Variants in CDYL observed in about 807,000 individuals in gnomAD.
CDYL encodes chromodomain Y-like protein.
In CDYL, 8 loss-of-function variants were observed where a neutral mutation model predicts 47.3. That is an observed-to-expected ratio of 0.17 (90% CI 0.10 to 0.31). The LOEUF is 0.31. Among genes scored for constraint, CDYL ranks in the 10% least tolerant of loss-of-function variants. CDYL has a pLI of 1.00. For missense variants in CDYL, 471 were observed against 701.4 expected (o/e 0.67, Z 3.71); for synonymous variants, 266 against 265.0 (o/e 1.00, Z -0.04).
intron 1 of CDYL, among the ~76,000 whole-genome samples, chr6:4,867,123 A>G (rs561882128): frequency 1.3e-5 from 2 of 152,140 alleles, no homozygotes; most frequent in Middle Eastern, 6.8e-3. Flanking sequence ...ATTTGTTTTA[A>G]AATACTTGTT....
chr6:4,797,222 A>G (rs1010378967), intron 1 of CDYL, among the ~76,000 whole-genome samples: 5 of 152,136 alleles, frequency 3.3e-5, no homozygotes, highest in Admixed American at 6.5e-5. Context: ...AAATTCACTG[A>G]TTAACTCTTC....
chr6:4,745,949 G>A (rs769126278), intron 3 of CDYL, among the ~76,000 whole-genome samples: 94 of 152,332 alleles, frequency 6.2e-4, no homozygotes, highest in African/African-American at 2.2e-3. Context: ...TGGGAGCCAT[G>A]GGTAGGGGTG....
chr6:4,934,358 C>T (rs1206410557), intron 2 of CDYL, among the ~76,000 whole-genome samples: 2 of 152,120 alleles, frequency 1.3e-5, no homozygotes, highest in South Asian at 2.1e-4. Context: ...AAACCTCTAG[C>T]AATTAAAATA....
At chr6:4,844,661 C>A (rs1294694107) in intron 1 of CDYL, among the ~76,000 whole-genome samples, 1 of 152,194 alleles carries the variant, frequency 6.6e-6, no homozygotes, top group Non-Finnish European at 1.5e-5. Context: ...TTAAAAGTTG[C>A]ATTTTCAGTT....
chr6:4,834,996 T>C (rs929854351), intron 1 of CDYL, among the ~76,000 whole-genome samples: 3 of 152,210 alleles, frequency 2.0e-5, no homozygotes, highest in Non-Finnish European at 2.9e-5. Flanking sequence ...TTGAAGTTTT[T>C]AACTTCTTTG....
chr6:4,819,271 C>T (rs2127447748), intron 1 of CDYL, among the ~76,000 whole-genome samples: 1 of 151,976 alleles, frequency 6.6e-6, no homozygotes, highest in South Asian at 2.1e-4. Flanking sequence ...TCATTAAAGT[C>T]TTACTTGTAT....
chr6:4,887,577 A>G (rs902017002), intron 1 of CDYL, among the ~76,000 whole-genome samples: 1 of 152,108 alleles, frequency 6.6e-6, no homozygotes, highest in Non-Finnish European at 1.5e-5. Context: ...CTTTGTTCTA[A>G]TAGTTTTTAA....
chr6:4,833,670 G>T (rs1454809989), intron 1 of CDYL, among the ~76,000 whole-genome samples: 1 of 151,436 alleles, frequency 6.6e-6, no homozygotes, highest in Admixed American at 6.5e-5. Context: ...GTTGACAGTG[G>T]GGTATTAAAG....
rs1426508898 is a variant in CDYL, at chr6:4,829,337, CTGTTCCTCAGATTG to C, written c.24+52537_24+52550del. Among the ~76,000 whole-genome samples the C allele has an allele frequency of 8.5e-5, 13 of 152,272 alleles. No individual in the cohort carries two copies. The East Asian group carries it at 2.5e-3, about 29-fold the overall frequency. ...TTATTGTTTGTGGTCACTGAAGCCTCTGTTCCTCAGATTGTGTTCCACTGTGTTTTGGCAGAGAT... is the reference window on the plus strand; with the variant it reads ...TTATTGTTTGTGGTCACTGAAGCCTCTGTTCCACTGTGTTTTGGCAGAGAT... On this transcript the variant is annotated intron_variant, in intron 1 of 6. Transcript: ENST00000397588.
chr6:4,875,001 A>T (rs1043415058), intron 1 of CDYL, among the ~76,000 whole-genome samples: 1 of 152,186 alleles, frequency 6.6e-6, no homozygotes, highest in Non-Finnish European at 1.5e-5. Context: ...GGCTATGAAC[A>T]TTCTTGCGTG....
chr6:4,738,859 A>G (rs183441686), intron 3 of CDYL, among the ~76,000 whole-genome samples: 140 of 152,342 alleles, frequency 9.2e-4, no homozygotes, highest in African/African-American at 3.2e-3. Flanking sequence ...AGCGACATCA[A>G]GGAATTATTA....
chr6:4,927,674 C>CT (rs1192780557), intron 2 of CDYL, among the ~76,000 whole-genome samples: 2 of 152,142 alleles, frequency 1.3e-5, no homozygotes, highest in African/African-American at 4.8e-5. Flanking sequence ...CCTTGGCCTC[C>CT]TACAGTGGTG....
rs1359920944 is a variant in CDYL, at chr6:4,779,304, G to A, written c.24+2497G>A. Among the ~76,000 whole-genome samples, 5 of 152,172 alleles carry A rather than the reference G, an allele frequency of 3.3e-5. No homozygotes were observed. The East Asian group carries it at 5.8e-4, about 18-fold the overall frequency. On this transcript the variant is annotated intron_variant, in intron 1 of 6. Coordinates refer to ENST00000397588, the MANE Select transcript of CDYL (RefSeq NM_004824.4). ...AATAGAAGTTTTCTGTTTGGCCTCA[G>A]GCTCCACAAATCTAGAGGGATATAT...
chr6:4,863,603 G>GT (rs1386518058), intron 1 of CDYL, among the ~76,000 whole-genome samples: 1 of 152,174 alleles, frequency 6.6e-6, no homozygotes, highest in East Asian at 1.9e-4. Flanking sequence ...TTGCAAAATG[G>GT]TATTTCCCAT....
At chr6:4,718,708 T>C (rs1757314987) in intron 2 of CDYL, 1 of 152,220 alleles carries the variant, frequency 6.6e-6, no homozygotes. Flanking sequence ...AAATTAATAT[T>C]TGTGTGTTGA....
intron 3 of CDYL, among the ~76,000 whole-genome samples, chr6:4,738,834 A>G (rs1441688459): frequency 6.6e-6 from 1 of 152,240 alleles, no homozygotes; most frequent in African/African-American, 2.4e-5. Context: ...AAACAAAGGA[A>G]CCAGATTTAT....
intron 2 of CDYL, among the ~76,000 whole-genome samples, chr6:4,930,302 C>A (rs1409411855): frequency 6.6e-6 from 1 of 152,224 alleles, no homozygotes. Flanking sequence ...CAAAGGGATC[C>A]CCTAGGCTCT....
chr6:4,805,923 G>A (rs1398358932), intron 1 of CDYL, among the ~76,000 whole-genome samples: 1 of 152,234 alleles, frequency 6.6e-6, no homozygotes, highest in Non-Finnish European at 1.5e-5. Flanking sequence ...CATCCCTTCA[G>A]CAGTCAAGTG....
intron 1 of CDYL, chr6:4,889,867 C>A: frequency 1.6e-6 from 1 of 615,258 alleles, no homozygotes; most frequent in Non-Finnish European, 2.0e-6. Context: ...CTACCGTTAG[C>A]TGCGGAGGCT....
Sources: gnomAD v4.1 joint callset for allele counts (sites outside exome capture counted in the v4.1 genomes callset) on GRCh38, gnomAD v4.1.1 for gene constraint, MANE v1.5 for transcripts, NCBI Gene and HGNC (gene_info 2026-07-23, HGNC 2026-07-21) for gene names.